CSGALNACT1: variants seen among roughly 807,000 people sequenced by gnomAD.
CSGALNACT1 encodes the protein beta4GalNAcT-1.
CSGALNACT1 carries 52 observed loss-of-function variants against 51.0 expected under a neutral mutation model. The ratio of observed to expected loss-of-function variants is 1.02; its 90% CI spans 0.82 to 1.29. CSGALNACT1 has a LOEUF of 1.29. Ranked by LOEUF, CSGALNACT1 falls within the 50% of genes most tolerant of loss-of-function variation. The probability of loss-of-function intolerance (pLI) is 0.00; values close to 1 mark genes in which losing one functional copy is unlikely to be tolerated. For synonymous variants in CSGALNACT1, 341 were observed against 254.4 expected, an observed-to-expected ratio of 1.34 and a Z score of -3.24; for missense variants, 935 against 679.2, an observed-to-expected ratio of 1.38 and a Z score of -4.19.
intron 3 of CSGALNACT1, among the ~76,000 whole-genome samples, chr8:19,508,469 G>C (rs528680453): frequency 2.6e-5 from 4 of 152,222 alleles, no homozygotes; most frequent in Non-Finnish European, 4.4e-5. Flanking sequence ...AGCCCTGGAA[G>C]CCTTTTCCAT....
chr8:19,473,321 C>A (rs536411131), intron 4 of CSGALNACT1, among the ~76,000 whole-genome samples: 1 of 152,170 alleles, frequency 6.6e-6, no homozygotes, highest in East Asian at 1.9e-4. Context: ...AATGATTAAC[C>A]CGAAAGCCCT....
chr8:19,647,135 C>A (rs542821089), intron 1 of CSGALNACT1, among the ~76,000 whole-genome samples: 2 of 152,214 alleles, frequency 1.3e-5, no homozygotes, highest in African/African-American at 4.8e-5. Flanking sequence ...GCAGCTAGGG[C>A]CTTCCTATCA....
At chr8:19,434,939 G>A (rs1267869619) in intron 6 of CSGALNACT1, among the ~76,000 whole-genome samples, 1 of 152,020 alleles carries the variant, frequency 6.6e-6, no homozygotes, top group Admixed American at 6.6e-5. Context: ...AATCTTCCTG[G>A]GGGTATCTGT....
intron 6 of CSGALNACT1, among the ~76,000 whole-genome samples, chr8:19,437,138 A>C (rs777520194): frequency 6.6e-6 from 1 of 152,232 alleles, no homozygotes; most frequent in Non-Finnish European, 1.5e-5. Context: ...CAAGTGCCAG[A>C]TTTAGAGGTG....
chr8:19,420,271 T>A (rs1047959282), intron 7 of CSGALNACT1, 69 bp downstream of exon 6: 42 of 1,419,662 alleles, frequency 3.0e-5, no homozygotes, highest in Non-Finnish European at 4.1e-5. Context: ...GACTGACCCA[T>A]CAAGAGGACG....
intron 4 of CSGALNACT1, among the ~76,000 whole-genome samples, chr8:19,479,088 A>G (rs1424506074): frequency 6.6e-6 from 1 of 152,240 alleles, no homozygotes; most frequent in Non-Finnish European, 1.5e-5. Flanking sequence ...TGCTATTATG[A>G]TACATGCATT....
At chr8:19,657,821 C>T (rs1394696851) in intron 1 of CSGALNACT1, among the ~76,000 whole-genome samples, 1 of 152,062 alleles carries the variant, frequency 6.6e-6, no homozygotes, top group South Asian at 2.1e-4. Flanking sequence ...TCTTAAGGAC[C>T]TCCACTTTTC....
intron 1 of CSGALNACT1, among the ~76,000 whole-genome samples, chr8:19,647,654 G>T (rs1589251370): frequency 6.6e-6 from 1 of 152,058 alleles, no homozygotes. Flanking sequence ...AAATTCAATG[G>T]CTGCATAATT....
At chr8:19,692,274 G>T (rs1301208933) in intron 1 of CSGALNACT1, among the ~76,000 whole-genome samples, 1 of 152,186 alleles carries the variant, frequency 6.6e-6, no homozygotes, top group Non-Finnish European at 1.5e-5. Flanking sequence ...AAAATGGAGT[G>T]GGAGAACTTA....
In CSGALNACT1 at chr8:19,573,730, C is replaced by A. The variant is rs150926696; in HGVS notation, c.-297+17430G>T. Among the ~76,000 whole-genome samples the A allele has an allele frequency of 4.5e-3, 691 of 152,270 alleles. 3 individuals carry two copies. Among genetic ancestry groups the A allele is most frequent in the Admixed American group, 8.9e-3 (136 of 15,288 alleles). On this transcript the variant is annotated intron_variant, in intron 3 of 9. Transcript: ENST00000454498. ...TACCAATCTCTCTTAATGATCAATA[C>A]TGCAAACCTAAGAGTTCCATCTCTC...
intron 1 of CSGALNACT1, among the ~76,000 whole-genome samples, chr8:19,654,755 G>A (rs923738395): frequency 5.3e-5 from 8 of 151,850 alleles, no homozygotes; most frequent in Non-Finnish European, 7.4e-5. Context: ...ATGTTGCCCC[G>A]GCTAGTCTTG....
intron 1 of CSGALNACT1, among the ~76,000 whole-genome samples, chr8:19,650,522 C>G (rs572674321): frequency 6.6e-6 from 1 of 152,098 alleles, no homozygotes; most frequent in Non-Finnish European, 1.5e-5. Flanking sequence ...CAAATGCAAT[C>G]CAATGGGCAC....
chr8:19,509,001 GAC>G (rs1437178841), intron 3 of CSGALNACT1, among the ~76,000 whole-genome samples: 2 of 152,198 alleles, frequency 1.3e-5, no homozygotes, highest in Non-Finnish European at 2.9e-5. Context: ...AAGTGGAAAA[GAC>G]AGATTTTTAG....
intron 3 of CSGALNACT1, among the ~76,000 whole-genome samples, chr8:19,522,491 G>C (rs951757695): frequency 2.0e-5 from 3 of 152,168 alleles, no homozygotes; most frequent in African/African-American, 7.2e-5. Flanking sequence ...GATTCCATTA[G>C]GGATCCTGGG....
intron 4 of CSGALNACT1, among the ~76,000 whole-genome samples, chr8:19,492,450 G>A (rs2074551544): frequency 1.3e-5 from 2 of 152,176 alleles, no homozygotes; most frequent in Non-Finnish European, 2.9e-5. Context: ...GATTCAGAAG[G>A]CATTTTTCTG....
At chr8:19,727,828 A>G (rs1169158927) in intron 1 of CSGALNACT1, among the ~76,000 whole-genome samples, 1 of 152,170 alleles carries the variant, frequency 6.6e-6, no homozygotes, top group African/African-American at 2.4e-5. Context: ...GAAAGTTAGC[A>G]AAAGTCCTGC....
At chr8:19,438,615 T>C (rs2060783722) in intron 6 of CSGALNACT1, among the ~76,000 whole-genome samples, 1 of 152,224 alleles carries the variant, frequency 6.6e-6, no homozygotes, top group South Asian at 2.1e-4. Context: ...GTAAACAGTT[T>C]AGGCTTTGTG....
At chr8:19,731,039 G>A (rs904049671) in intron 1 of CSGALNACT1, among the ~76,000 whole-genome samples, 3 of 152,192 alleles carry the variant, frequency 2.0e-5, no homozygotes, top group Non-Finnish European at 2.9e-5. Context: ...GAATTAGGGG[G>A]TGTGAGGCTC....
chr8:19,581,836 T>C (rs1287689386), intron 3 of CSGALNACT1, among the ~76,000 whole-genome samples: 3 of 152,232 alleles, frequency 2.0e-5, no homozygotes, highest in South Asian at 2.1e-4. Flanking sequence ...TCTTAACATG[T>C]AGACGGAAAG....
Sources: gnomAD v4.1 joint callset for allele counts (sites outside exome capture counted in the v4.1 genomes callset) on GRCh38, gnomAD v4.1.1 for gene constraint, MANE v1.5 for transcripts, NCBI Gene and HGNC (gene_info 2026-07-23, HGNC 2026-07-21) for gene names.